IFNG-AS1: variants seen among roughly 807,000 people sequenced by gnomAD.
IFNG-AS1 encodes the protein IFNG regulatory antisense RNA 1.
At chr12:68,020,884 T>G (rs150369580) in intron 4 of IFNG-AS1, 89 of 152,024 alleles carry the variant, frequency 5.9e-4, no homozygotes, top group African/African-American at 2.1e-3. Flanking sequence ...AGGGTGGGAG[T>G]GTTTCAAAGA....
intron 2 of IFNG-AS1, among the ~76,000 whole-genome samples, chr12:68,002,484 C>T (rs962689475): frequency 6.6e-6 from 1 of 152,196 alleles, no homozygotes; most frequent in Non-Finnish European, 1.5e-5. Flanking sequence ...AAGCCCCTTA[C>T]CCTTTTAAAA....
intron 2 of IFNG-AS1, among the ~76,000 whole-genome samples, chr12:67,996,663 T>C (rs1475682222): frequency 1.3e-5 from 2 of 152,162 alleles, no homozygotes; most frequent in Non-Finnish European, 2.9e-5. Context: ...CTCTTTCAAA[T>C]GGAAGCTAGC....
intron 2 of IFNG-AS1, among the ~76,000 whole-genome samples, chr12:68,004,958 T>G (rs541470966): frequency 5.3e-5 from 8 of 152,318 alleles, no homozygotes; most frequent in Non-Finnish European, 1.0e-4. Flanking sequence ...TTCTAACACC[T>G]GTAAGGGACC....
intron 1 of IFNG-AS1, among the ~76,000 whole-genome samples, chr12:67,992,031 G>A (rs916781613): frequency 2.6e-5 from 4 of 152,114 alleles, no homozygotes; most frequent in Non-Finnish European, 4.4e-5. Flanking sequence ...TACCTTTCAA[G>A]CCAATTCTCT....
chr12:68,021,140 CA>C (rs1177039349), intron 4 of IFNG-AS1: 1 of 152,086 alleles, frequency 6.6e-6, no homozygotes, highest in African/African-American at 2.4e-5. Context: ...TTGTTTTTCT[CA>C]AATATGGTCT....
chr12:67,993,363 C>A (rs895132514), intron 1 of IFNG-AS1, among the ~76,000 whole-genome samples: 4 of 152,128 alleles, frequency 2.6e-5, no homozygotes, highest in African/African-American at 9.7e-5. Flanking sequence ...TTAAATAGAA[C>A]ACTATATAGT....
intron 2 of IFNG-AS1, chr12:68,001,512 GA>G: frequency 4.1e-6 from 1 of 243,886 alleles, no homozygotes. Context: ...TTCTTGGCCA[GA>G]AATCGCTTGA....
At chr12:68,014,163 C>T (rs1343102528) in intron 3 of IFNG-AS1, among the ~76,000 whole-genome samples, 1 of 152,160 alleles carries the variant, frequency 6.6e-6, no homozygotes, top group African/African-American at 2.4e-5. Context: ...ATAATGTATA[C>T]CACAGTTTCT....
At chr12:67,992,258 T>C (rs1297632594) in intron 1 of IFNG-AS1, among the ~76,000 whole-genome samples, 4 of 152,260 alleles carry the variant, frequency 2.6e-5, no homozygotes, top group Non-Finnish European at 4.4e-5. Flanking sequence ...CATTAAATTG[T>C]TGAGGTTTAT....
intron 3 of IFNG-AS1, among the ~76,000 whole-genome samples, chr12:68,008,347 C>T (rs1220569345): frequency 6.6e-6 from 1 of 151,344 alleles, no homozygotes; most frequent in Admixed American, 6.6e-5. Context: ...ACCCAGGAGG[C>T]AGAGGTTGCA....
intron 2 of IFNG-AS1, among the ~76,000 whole-genome samples, chr12:67,999,192 G>T (rs114732755): frequency 0.011 from 1,733 of 152,242 alleles, 38 homozygotes; most frequent in African/African-American, 0.039. Flanking sequence ...ATGATAGATA[G>T]ATAATAGATG....
intron 1 of IFNG-AS1, among the ~76,000 whole-genome samples, chr12:67,990,846 C>T (rs1168784796): frequency 6.6e-6 from 1 of 152,130 alleles, no homozygotes; most frequent in Non-Finnish European, 1.5e-5. Flanking sequence ...CCCGCCTCGG[C>T]CTCTCAAAGT....
intron 2 of IFNG-AS1, among the ~76,000 whole-genome samples, chr12:67,998,835 C>T (rs1879702038): frequency 6.6e-6 from 1 of 152,060 alleles, no homozygotes; most frequent in South Asian, 2.1e-4. Flanking sequence ...TACTCTAAGA[C>T]CAAAGACCAA....
chr12:67,991,366 G>A (rs1879508130), intron 1 of IFNG-AS1, among the ~76,000 whole-genome samples: 1 of 152,168 alleles, frequency 6.6e-6, no homozygotes, highest in South Asian at 2.1e-4. Context: ...CCCCCGTGGG[G>A]TTGAGAGGTG....
chr12:67,994,705 T>C (rs1434918004), intron 1 of IFNG-AS1, among the ~76,000 whole-genome samples: 1 of 152,204 alleles, frequency 6.6e-6, no homozygotes, highest in Non-Finnish European at 1.5e-5. Context: ...CTTATCTGGA[T>C]GATGAAATAG....
chr12:68,019,875 C>A (rs1449259660), exon 4 of IFNG-AS1: 4 of 152,112 alleles, frequency 2.6e-5, no homozygotes, highest in African/African-American at 9.7e-5. Flanking sequence ...AGAAGCCCAC[C>A]AACTGCTAAC....
chr12:68,004,251 C>T (rs1410828743), intron 2 of IFNG-AS1, among the ~76,000 whole-genome samples: 3 of 152,188 alleles, frequency 2.0e-5, no homozygotes, highest in East Asian at 1.9e-4. Context: ...TTATACTTGT[C>T]AATATTCAGT....
At chr12:68,010,519 G>A (rs886576295) in intron 3 of IFNG-AS1, among the ~76,000 whole-genome samples, 1 of 152,070 alleles carries the variant, frequency 6.6e-6, no homozygotes, top group African/African-American at 2.4e-5. Flanking sequence ...CACTTTCTGT[G>A]CTGTCCTCCC....
At chr12:68,001,382 A>C (rs1879765526) in intron 2 of IFNG-AS1, 1 of 202,186 alleles carries the variant, frequency 4.9e-6, no homozygotes, top group Non-Finnish European at 1.1e-5. Context: ...GTGCCATCTC[A>C]TGTGCAAGTC....
Sources: allele counts gnomAD v4.1 joint callset (sites outside exome capture counted in the v4.1 genomes callset), GRCh38; gene constraint gnomAD v4.1.1; transcripts MANE v1.5; gene names NCBI Gene and HGNC (gene_info 2026-07-23, HGNC 2026-07-21).